Variants in RPGRIP1 observed in about 807,000 individuals in gnomAD.
RPGRIP1 encodes X-linked retinitis pigmentosa GTPase regulator-interacting protein 1.
In RPGRIP1, 128 loss-of-function variants were observed where a neutral mutation model predicts 157.9. The observed-to-expected ratio is 0.81, with a 90% confidence interval of 0.70 to 0.94. The LOEUF (loss-of-function observed/expected upper bound fraction) is 0.94, where lower values mean the gene tolerates loss of function less well. RPGRIP1 is among the 40% of genes least tolerant of loss of function. The probability of loss-of-function intolerance (pLI) is 0.00; values close to 1 mark genes in which losing one functional copy is unlikely to be tolerated. For synonymous variants in RPGRIP1, 554 were observed against 571.6 expected, an observed-to-expected ratio of 0.97 and a Z score of 0.44; for missense variants, 1,486 against 1,545.8, an observed-to-expected ratio of 0.96 and a Z score of 0.65.
chr14:21,309,772 T>A (rs1881470018), intron 7 of RPGRIP1, among the ~76,000 whole-genome samples: 1 of 152,084 alleles, frequency 6.6e-6, no homozygotes, highest in Non-Finnish European at 1.5e-5. Flanking sequence ...AGCAAGTTGA[T>A]ATGATCAATT....
At chr14:21,310,788 T>C (rs964840457) in intron 8 of RPGRIP1, 181 bp downstream of exon 8, 8 of 677,624 alleles carry the variant, frequency 1.2e-5, no homozygotes, top group Admixed American at 4.3e-5. Flanking sequence ...CAGATACTTA[T>C]TGCACTGTTT....
At position 21,311,955 on chromosome 14, in the gene RPGRIP1, G is replaced by A; in HGVS notation, c.1062G>A (p.Gln354=). The A allele has an allele frequency of 6.2e-7, 1 of 1,613,164 alleles. No individual in the cohort carries two copies. The highest frequency in any genetic ancestry group is 8.5e-7 in the Non-Finnish European group (1 of 1,179,546). Residue 354 remains glutamine (Q), a synonymous_variant, in exon 9 of 25, where the codon CAG becomes CAA. Transcript: ENST00000400017. The part of the protein sequence containing the change: ...KSQLEDVSIL[Q]MTLKEFQERV... ...AACTGGAAGATGTGTCTATCTTGCA[G>A]ATGACTCTGAAGGAGGTAAATAATA...
At position 21,307,731 on chromosome 14, in the gene RPGRIP1, A is replaced by G. The variant is rs1463777946; in HGVS notation, c.801A>G (p.Arg267=). ...LECAQKAAEL[R]ASIKEKVELI... is the part of the protein sequence containing the mutation. ...AATAATTTAGCGCCTTTCTCTGCAG[A>G]GCTTCCATTAAAGAGAAGGTAGAGC... The change falls in exon 7 of 25, where the codon CGA becomes CGG. Residue 267 remains arginine (R), a splice_region_variant and synonymous_variant. Coordinates refer to ENST00000400017, the MANE Select transcript of RPGRIP1 (RefSeq NM_020366.4). 6.5e-7 allele frequency: 1 copy of G among 1,546,750 alleles called. No individual in the cohort carries two copies. Among genetic ancestry groups the G allele is most frequent in the Admixed American group, 1.9e-5 (1 of 51,572 alleles).
At chr14:21,310,659 C>G in intron 8 of RPGRIP1, 52 bp downstream of exon 8, 1 of 1,052,020 alleles carries the variant, frequency 9.5e-7, no homozygotes, top group Non-Finnish European at 1.4e-6. Context: ...ATAATCAAAC[C>G]CAAAGAAATC....
chr14:21,284,631 G>A (rs1014628872), intron 1 of RPGRIP1, among the ~76,000 whole-genome samples: 5 of 140,848 alleles, frequency 3.5e-5, no homozygotes, highest in African/African-American at 8.0e-5. Flanking sequence ...TGCATCCTCC[G>A]CCTCCCGGGT....
intron 1 of RPGRIP1, among the ~76,000 whole-genome samples, chr14:21,286,563 G>A (rs1880307883): frequency 6.6e-6 from 1 of 152,004 alleles, no homozygotes; most frequent in Non-Finnish European, 1.5e-5. Flanking sequence ...GGGAGGCTGA[G>A]GCAGGCAGAT....
Position 21,303,342 on chromosome 14 carries a change from C to T in RPGRIP1, c.599C>T (p.Ser200Phe). ...ASKPSELVSG[S>F]NSIISFSSVI... The stretch of plus-strand genomic sequence containing the variant: ...CTTTTTGTATTTAGTGTTTCTGGTT[C>T]TAACAGCATAATTTCTTTCAGCAGT... Residue 200 changes from serine to phenylalanine, a missense_variant, in exon 6 of 25, where the codon TCT becomes TTT. Ser to Phe is a radical substitution (Grantham distance 155). Transcript: ENST00000400017. 6.2e-7 allele frequency: 1 copy of T among 1,612,158 alleles called. No individual in the cohort carries two copies. Among genetic ancestry groups the T allele is most frequent in the Non-Finnish European group, 8.5e-7 (1 of 1,178,734 alleles).
intron 7 of RPGRIP1, among the ~76,000 whole-genome samples, chr14:21,308,300 A>G (rs1881400465): frequency 6.6e-6 from 1 of 152,248 alleles, no homozygotes; most frequent in Non-Finnish European, 1.5e-5. Context: ...GCATTAGCAC[A>G]CATTAGAAAC....
At chr14:21,314,690 G>A (rs567911669) in intron 10 of RPGRIP1, among the ~76,000 whole-genome samples, 1 of 146,540 alleles carries the variant, frequency 6.8e-6, no homozygotes, top group Admixed American at 7.0e-5. Context: ...TCCAGCCTGG[G>A]CAACAAGAGC....
intron 1 of RPGRIP1, among the ~76,000 whole-genome samples, chr14:21,281,089 C>G (rs1880108070): frequency 6.6e-6 from 1 of 151,430 alleles, no homozygotes; most frequent in South Asian, 2.1e-4. Flanking sequence ...TCAATCTCGG[C>G]TCACTGCAAC....
intron 20 of RPGRIP1, among the ~76,000 whole-genome samples, chr14:21,333,247 A>T (rs1384122563): frequency 6.6e-6 from 1 of 152,210 alleles, no homozygotes; most frequent in East Asian, 1.9e-4. Context: ...TTAGACAAAG[A>T]TCTAAGGGTA....
chr14:21,321,129 C>T, intron 12 of RPGRIP1, 130 bp from the exon 13 acceptor site: 3 of 889,046 alleles, frequency 3.4e-6, no homozygotes, highest in Non-Finnish European at 5.0e-6. Flanking sequence ...TCATACAGGT[C>T]CTTGTTTACA....
chr14:21,301,722 T>TAAA (rs34757630), intron 4 of RPGRIP1, among the ~76,000 whole-genome samples: 173 of 75,114 alleles, frequency 2.3e-3, no homozygotes, highest in Non-Finnish European at 3.6e-3. Flanking sequence ...ATAATAATAA[T>TAAA]AAAAAATTAG....
chr14:21,307,943 C>G, intron 7 of RPGRIP1, 107 bp downstream of exon 7: 1 of 660,746 alleles, frequency 1.5e-6, no homozygotes, highest in Non-Finnish European at 2.6e-6. Context: ...TTCAGAAAGA[C>G]AATTTATAAG....
At chr14:21,333,956 CTT>C (rs1345536868) in intron 20 of RPGRIP1, among the ~76,000 whole-genome samples, 1 of 141,826 alleles carries the variant, frequency 7.1e-6, no homozygotes, top group East Asian at 2.1e-4. Flanking sequence ...GACAGAGTCT[CTT>C]GTCGCCCAGG....
At chr14:21,332,366 G>C (rs1883881167) in intron 20 of RPGRIP1, among the ~76,000 whole-genome samples, 1 of 152,118 alleles carries the variant, frequency 6.6e-6, no homozygotes, top group Non-Finnish European at 1.5e-5. Context: ...CTCCGTCAAA[G>C]TTTACTCAAT....
intron 14 of RPGRIP1, chr14:21,324,350 C>G: frequency 1.9e-6 from 1 of 520,672 alleles, no homozygotes; most frequent in African/African-American, 1.9e-5. Flanking sequence ...ATAAAATGTG[C>G]CCCCAGTGTT....
At chr14:21,280,592 CACA>C (rs772163824) in intron 1 of RPGRIP1, among the ~76,000 whole-genome samples, 30 of 152,098 alleles carry the variant, frequency 2.0e-4, no homozygotes, top group Non-Finnish European at 3.7e-4. Flanking sequence ...AGGCATCCAG[CACA>C]ACATTACCAA....
At position 21,325,821 on chromosome 14, in the gene RPGRIP1, A is replaced by T. The variant is rs773809921; in HGVS notation, c.2368-10A>T. 6.2e-7 allele frequency: 1 copy of T among 1,602,226 alleles called. No individual in the cohort carries two copies. The highest frequency in any genetic ancestry group is 1.1e-5 in the South Asian group (1 of 89,602). On this transcript the variant is annotated splice_polypyrimidine_tract_variant and intron_variant, in intron 16 of 24. Coordinates refer to ENST00000400017, the MANE Select transcript of RPGRIP1 (RefSeq NM_020366.4). ...CCCTTTTCCTCAATCCATGACCAAC[A>T]TCTTTCCAGTTCAGATCGGAGTCTT...
Sources: gnomAD v4.1 joint callset for allele counts (sites outside exome capture counted in the v4.1 genomes callset) on GRCh38, gnomAD v4.1.1 for gene constraint, MANE v1.5 for transcripts, NCBI Gene and HGNC (gene_info 2026-07-23, HGNC 2026-07-21) for gene names.